Variants in STPG2 observed in about 807,000 individuals in gnomAD.
STPG2 encodes the protein sperm-tail PG-rich repeat-containing protein 2.
Under a neutral mutation model 54.2 loss-of-function variants are expected in STPG2, and 56 were observed. The observed-to-expected ratio is 1.03, with a 90% confidence interval of 0.83 to 1.29. STPG2 has a LOEUF of 1.29. Ranked by LOEUF, STPG2 falls within the 50% of genes most tolerant of loss-of-function variation. The probability of loss-of-function intolerance (pLI) is 0.00; values close to 1 mark genes in which losing one functional copy is unlikely to be tolerated. For synonymous variants in STPG2, 200 were observed against 181.8 expected (o/e 1.10, Z -0.81); for missense variants, 596 against 544.9 (o/e 1.09, Z -0.93).
At chr4:97,589,707 T>C (rs1392171165) in intron 10 of STPG2, among the ~76,000 whole-genome samples, 1 of 152,188 alleles carries the variant, frequency 6.6e-6, no homozygotes, top group African/African-American at 2.4e-5. Flanking sequence ...TTCCCGGCAA[T>C]GACGGTTCGC....
chr4:97,843,377 C>T (rs1418645865), intron 8 of STPG2, among the ~76,000 whole-genome samples: 1 of 151,830 alleles, frequency 6.6e-6, no homozygotes, highest in African/African-American at 2.4e-5. Flanking sequence ...AGTGTCCTGA[C>T]TTCCTCATCT....
In STPG2 at chr4:97,712,769, G is replaced by C. The variant is rs1002425888; in HGVS notation, c.1250C>G (p.Pro417Arg). ...GCGCTTTGATGCTTTCACAAATAAG[G>C]GTATGGGGCAAGATTTCCTTAAAAC... The part of the protein sequence containing the change: ...NPVLRKSCPI[P>R]LFVKASKRFE... The change falls in exon 10 of 11, where the codon CCC becomes CGC. Residue 417 changes from proline (P) to arginine (R), a missense_variant. Transcript: ENST00000295268. The C allele has an allele frequency of 6.2e-7, 1 of 1,608,404 alleles. No individual in the cohort carries two copies. Among genetic ancestry groups the C allele is most frequent in the Non-Finnish European group, 8.5e-7 (1 of 1,176,656 alleles).
intron 10 of STPG2, among the ~76,000 whole-genome samples, chr4:97,612,262 A>C (rs895455373): frequency 6.9e-6 from 1 of 144,912 alleles, no homozygotes; most frequent in African/African-American, 2.7e-5. Flanking sequence ...AAAAAAAAAC[A>C]AAAAAAAACA....
At position 97,452,826 on chromosome 4, in the gene STPG2, T is replaced by A. The variant is rs780944376; in HGVS notation, c.462+259873A>T. 3.9e-5 allele frequency among the ~76,000 whole-genome samples: 6 copies of A among 152,198 alleles called. No homozygotes were observed. The South Asian group carries it at 1.0e-3, about 26-fold the overall frequency. ...ACTTCCCACTCCAGGGTCTTCTCTC[T>A]GCTAGGAGCTGAACACTCATCAGAA... On this transcript the variant is annotated intron_variant, in intron 4 of 4. Transcript: ENST00000522676.
chr4:98,020,802 G>A (rs547855325), intron 5 of STPG2, among the ~76,000 whole-genome samples: 1 of 152,310 alleles, frequency 6.6e-6, no homozygotes, highest in East Asian at 1.9e-4. Flanking sequence ...TAGTTTATTT[G>A]TGTAGAGGTG....
intron 5 of STPG2, among the ~76,000 whole-genome samples, chr4:98,010,055 T>C (rs1735697044): frequency 6.6e-6 from 1 of 152,058 alleles, no homozygotes; most frequent in African/African-American, 2.4e-5. Context: ...AATCCAACTT[T>C]TCATTTCATT....
chr4:97,544,369 A>C (rs1028198891), intron 4 of STPG2, among the ~76,000 whole-genome samples: 16 of 152,192 alleles, frequency 1.1e-4, no homozygotes, highest in African/African-American at 3.1e-4. Flanking sequence ...AAAGAAATTT[A>C]GGATAAATGG....
intron 4 of STPG2, among the ~76,000 whole-genome samples, chr4:97,479,986 T>C: frequency 6.6e-6 from 1 of 151,836 alleles, no homozygotes; most frequent in East Asian, 1.9e-4. Context: ...GCTGAAAAAC[T>C]ATTTTGCACA....
intron 9 of STPG2, among the ~76,000 whole-genome samples, chr4:97,788,812 C>T (rs1352119296): frequency 6.6e-6 from 1 of 151,850 alleles, no homozygotes; most frequent in African/African-American, 2.4e-5. Flanking sequence ...TTTGTTAATT[C>T]AATTTTAAAA....
intron 7 of STPG2, among the ~76,000 whole-genome samples, chr4:97,958,592 C>A (rs757710253): frequency 6.6e-6 from 1 of 152,140 alleles, no homozygotes; most frequent in Non-Finnish European, 1.5e-5. Flanking sequence ...AGAAGTAGCT[C>A]TTCTTATATC....
At chr4:97,737,571 C>A (rs1200480883) in intron 9 of STPG2, among the ~76,000 whole-genome samples, 1 of 152,164 alleles carries the variant, frequency 6.6e-6, no homozygotes, top group East Asian at 1.9e-4. Flanking sequence ...AATGCAGAAG[C>A]CTCAGGAGCT....
At chr4:97,557,009 T>C (rs1251284571), downstream of STPG2, among the ~76,000 whole-genome samples, 3 of 152,134 alleles carry the variant, frequency 2.0e-5, no homozygotes, top group Non-Finnish European at 1.5e-5. Flanking sequence ...GGTGAAACCC[T>C]GTCTCTACTA....
At chr4:97,659,341 A>G (rs923129331) in intron 10 of STPG2, among the ~76,000 whole-genome samples, 1 of 152,220 alleles carries the variant, frequency 6.6e-6, no homozygotes, top group Non-Finnish European at 1.5e-5. Flanking sequence ...CAGGCTCTAG[A>G]CTAACTTCTA....
At chr4:97,763,790 T>C (rs965492225) in intron 9 of STPG2, among the ~76,000 whole-genome samples, 1 of 152,190 alleles carries the variant, frequency 6.6e-6, no homozygotes, top group African/African-American at 2.4e-5. Context: ...TGATTACTTA[T>C]CAATAGCAAT....
At chr4:98,141,791 C>G (rs897349885) in intron 1 of STPG2, among the ~76,000 whole-genome samples, 1 of 152,044 alleles carries the variant, frequency 6.6e-6, no homozygotes, top group Non-Finnish European at 1.5e-5. Flanking sequence ...GAGTTTGACT[C>G]TTTTCATCAA....
At chr4:97,834,349 G>A (rs937610617) in intron 9 of STPG2, among the ~76,000 whole-genome samples, 1 of 151,938 alleles carries the variant, frequency 6.6e-6, no homozygotes, top group Non-Finnish European at 1.5e-5. Context: ...CACACACCAG[G>A]GCCTGTCATG....
At chr4:97,879,937 C>T (rs1730310220) in intron 8 of STPG2, among the ~76,000 whole-genome samples, 1 of 152,150 alleles carries the variant, frequency 6.6e-6, no homozygotes, top group East Asian at 1.9e-4. Flanking sequence ...ATCCAGCAAT[C>T]CCATTTCTGA....
intron 9 of STPG2, among the ~76,000 whole-genome samples, chr4:97,791,851 T>C (rs904246671): frequency 6.6e-6 from 1 of 151,526 alleles, no homozygotes; most frequent in Non-Finnish European, 1.5e-5. Context: ...GAAACCACCA[T>C]AGCTATTCAA....
intron 8 of STPG2, among the ~76,000 whole-genome samples, chr4:97,864,701 G>A (rs1022797240): frequency 6.6e-6 from 1 of 152,066 alleles, no homozygotes; most frequent in African/African-American, 2.4e-5. Flanking sequence ...ATACTACAAG[G>A]CTGCAGTAAC....
Sources: allele counts gnomAD v4.1 joint callset (sites outside exome capture counted in the v4.1 genomes callset), GRCh38; gene constraint gnomAD v4.1.1; transcripts MANE v1.5; gene names NCBI Gene and HGNC (gene_info 2026-07-23, HGNC 2026-07-21).